The following WDR27 variants were observed in gnomAD, a reference collection of about 807,000 sequenced individuals.
WDR27 encodes WD repeat-containing protein 27.
Under a neutral mutation model 114.4 loss-of-function variants are expected in WDR27, and 100 were observed. The ratio of observed to expected loss-of-function variants is 0.87; its 90% CI spans 0.74 to 1.03. The LOEUF is 1.03. Among genes scored for constraint, WDR27 ranks in the 50% least tolerant of loss-of-function variants. The probability of loss-of-function intolerance (pLI) is 0.00; values close to 1 mark genes in which losing one functional copy is unlikely to be tolerated. For synonymous variants in WDR27, 449 were observed against 423.1 expected (o/e 1.06, Z -0.75); for missense variants, 1,129 against 1,092.9 (o/e 1.03, Z -0.47).
chr6:169,664,286 G>C lies in WDR27; in HGVS notation c.784C>G (p.Leu262Val). The change falls in exon 8 of 26, where the codon CTT (leucine) becomes GTT (valine). Residue 262 changes from leucine to valine, a missense_variant and splice_region_variant. Transcript: ENST00000448612. ...CCATCCATCAAACTGAAGATCCAAAGCTACAAAAGCAAAGAAGATGCAGAC... is the reference window on the plus strand; with the variant it reads ...CCATCCATCAAACTGAAGATCCAAACCTACAAAAGCAAAGAAGATGCAGAC... ...QLVTGCADGQ[L>V]WIFSLMDGHH... 3 of 1,613,936 alleles carry C rather than the reference G, an allele frequency of 1.9e-6. No homozygotes were observed. In the South Asian group the frequency reaches 3.3e-5, roughly 18 times the overall value.
At chr6:169,554,296 C>T (rs764457592) in intron 25 of WDR27, among the ~76,000 whole-genome samples, 17 of 152,128 alleles carry the variant, frequency 1.1e-4, no homozygotes, top group Non-Finnish European at 8.8e-5. Flanking sequence ...GGCACAAGTG[C>T]CTACCACGCT....
chr6:169,491,665 G>A (rs544926721), intron 25 of WDR27, among the ~76,000 whole-genome samples: 4 of 152,122 alleles, frequency 2.6e-5, no homozygotes, highest in African/African-American at 7.2e-5. Context: ...CACATTCCAC[G>A]AAAGACCAGA....
At chr6:169,434,553 A>G in the WDR27 span, among the ~76,000 whole-genome samples, 1 of 152,078 alleles carries the variant, frequency 6.6e-6, no homozygotes, top group Non-Finnish European at 1.5e-5. Context: ...GTTCCATATG[A>G]AATTTAAAGT....
intron 12 of WDR27, 121 bp from the exon 13 acceptor site, chr6:169,658,479 C>G (rs554111775): frequency 1.4e-6 from 1 of 722,270 alleles, no homozygotes; most frequent in African/African-American, 1.8e-5. Context: ...GTGGACATAA[C>G]AGTATCTGAA....
chr6:169,476,987 TTAAC>T (rs1323983741), intron 25 of WDR27, among the ~76,000 whole-genome samples: 2 of 152,234 alleles, frequency 1.3e-5, no homozygotes, highest in African/African-American at 4.8e-5. Context: ...ATTTGTGTCT[TTAAC>T]TAAACAGATT....
chr6:169,465,131 G>T lies in WDR27; in HGVS notation c.2646-7497C>A, dbSNP rs2115295630. Among the ~76,000 whole-genome samples the T allele has an allele frequency of 3.3e-5, 5 of 152,290 alleles. No individual in the cohort carries two copies. In the East Asian group the frequency reaches 9.7e-4, roughly 29 times the overall value. ...AAATTAGCTGGGTGTGGGGGCGCAT[G>T]CCTGTAATCCCAGCTACTTGGGAGG... On this transcript the variant is annotated intron_variant, in intron 25 of 25. Coordinates refer to ENST00000448612, the MANE Select transcript of WDR27 (RefSeq NM_182552.5).
At chr6:169,584,302 C>A (rs1323361081) in intron 23 of WDR27, among the ~76,000 whole-genome samples, 1 of 152,112 alleles carries the variant, frequency 6.6e-6, no homozygotes, top group Non-Finnish European at 1.5e-5. Context: ...ACTCCTATAT[C>A]ATATTTTTTA....
intron 22 of WDR27, among the ~76,000 whole-genome samples, chr6:169,610,935 T>C (rs536965522): frequency 1.3e-5 from 2 of 152,250 alleles, no homozygotes; most frequent in African/African-American, 4.8e-5. Flanking sequence ...AAATGACATA[T>C]TGGGTACAAT....
At chr6:169,525,580 A>G (rs982885675) in intron 25 of WDR27, among the ~76,000 whole-genome samples, 10 of 152,066 alleles carry the variant, frequency 6.6e-5, no homozygotes, top group Non-Finnish European at 1.5e-4. Flanking sequence ...TTTCTCAAAA[A>G]GACAGGGAAT....
the WDR27 span, among the ~76,000 whole-genome samples, chr6:169,444,933 T>C: frequency 2.6e-5 from 4 of 152,164 alleles, no homozygotes; most frequent in Admixed American, 2.6e-4. Context: ...TGTCCTCCTC[T>C]GCAGAATGAG....
intron 21 of WDR27, among the ~76,000 whole-genome samples, chr6:169,622,618 C>T (rs919457975): frequency 2.6e-5 from 4 of 152,054 alleles, no homozygotes; most frequent in South Asian, 2.1e-4. Context: ...TGACTGAAAA[C>T]GAAGTTTAAC....
rs754214809 is a variant in WDR27 at position 169,496,473 on chromosome 6, T to C, written c.2646-38839A>G. Among the ~76,000 whole-genome samples the C allele has an allele frequency of 2.6e-5, 4 of 151,992 alleles. No individual in the cohort carries two copies. In the East Asian group the frequency reaches 7.7e-4, roughly 29 times the overall value. Reference sequence around the variant, plus strand: ...AAATTAATTAAGCAAGAAAAAGAAATAACAGTCATCTAAATAGGAAGGGGA... The same window carrying C: ...AAATTAATTAAGCAAGAAAAAGAAACAACAGTCATCTAAATAGGAAGGGGA... On this transcript the variant is annotated intron_variant, in intron 25 of 25. Transcript: ENST00000448612.
At chr6:169,512,125 A>G (rs1397845976) in intron 25 of WDR27, among the ~76,000 whole-genome samples, 1 of 152,204 alleles carries the variant, frequency 6.6e-6, no homozygotes, top group East Asian at 1.9e-4. Context: ...AGAGAAGTCA[A>G]ACTGACAAAA....
chr6:169,658,256 TCA>T lies in WDR27; in HGVS notation c.1402+18_1402+19del. 1 of 1,581,732 alleles carries T rather than the reference TCA, an allele frequency of 6.3e-7. No homozygotes were observed. The highest frequency in any genetic ancestry group is 8.6e-7 in the Non-Finnish European group (1 of 1,161,388). ...CGCATCAGCCTTGTATTCTTAGATC[TCA>T]CAGCACCCTGTACTGACCACGTCGC... On this transcript the variant is annotated intron_variant, in intron 13 of 25. Transcript: ENST00000448612.
chr6:169,695,769 A>T (rs763621515), intron 1 of WDR27, among the ~76,000 whole-genome samples: 7 of 152,202 alleles, frequency 4.6e-5, no homozygotes, highest in Non-Finnish European at 8.8e-5. Context: ...GATGGGCTTC[A>T]GAAGAGAGAT....
At chr6:169,524,248 G>A (rs1479388647) in intron 25 of WDR27, among the ~76,000 whole-genome samples, 5 of 151,880 alleles carry the variant, frequency 3.3e-5, no homozygotes, top group Admixed American at 3.3e-4. Flanking sequence ...GATCTAATAA[G>A]GAAAAATATA....
intron 21 of WDR27, among the ~76,000 whole-genome samples, chr6:169,621,630 CCA>C (rs1228328667): frequency 7.0e-6 from 1 of 143,654 alleles, no homozygotes; most frequent in Non-Finnish European, 1.5e-5. Flanking sequence ...ATATACATAC[CCA>C]CACATGCATA....
At position 169,670,705 on chromosome 6, in the gene WDR27, T is replaced by A. The variant is rs746106890; in HGVS notation, c.332-12A>T. 6.2e-7 allele frequency: 1 copy of A among 1,613,440 alleles called. No homozygotes were observed. Among genetic ancestry groups the A allele is most frequent in the South Asian group, 1.1e-5 (1 of 90,968 alleles). On this transcript the variant is annotated splice_polypyrimidine_tract_variant and intron_variant, in intron 3 of 25. Coordinates refer to ENST00000448612, the MANE Select transcript of WDR27 (RefSeq NM_182552.5). The stretch of plus-strand genomic sequence containing the variant: ...TCGAGGGACCAGCCCTAGAGTGAGT[T>A]TCACCATTAGTGCCAGTTTACCAAA...
At chr6:169,616,117 G>T (rs766852648) in intron 21 of WDR27, among the ~76,000 whole-genome samples, 1 of 152,070 alleles carries the variant, frequency 6.6e-6, no homozygotes, top group Non-Finnish European at 1.5e-5. Flanking sequence ...ATAACTGCAC[G>T]TGAAAATATA....
Sources: allele counts gnomAD v4.1 joint callset (sites outside exome capture counted in the v4.1 genomes callset), GRCh38; gene constraint gnomAD v4.1.1; transcripts MANE v1.5; gene names NCBI Gene and HGNC (gene_info 2026-07-23, HGNC 2026-07-21).